Variants in IFT25 observed in about 807,000 individuals in gnomAD.
IFT25 encodes intraflagellar transport 25.
At chr1:53,936,138 A>AT in the IFT25 span, among the ~76,000 whole-genome samples, 2 of 152,092 alleles carry the variant, frequency 1.3e-5, no homozygotes, top group Admixed American at 6.5e-5. Flanking sequence ...AATACAAAAA[A>AT]TTAGCTAGGC....
the IFT25 span, chr1:53,923,950 A>C: frequency 6.3e-7 from 1 of 1,584,748 alleles, no homozygotes; most frequent in Non-Finnish European, 8.7e-7. Context: ...TACCAAATCT[A>C]AAACATAAAT....
the IFT25 span, among the ~76,000 whole-genome samples, chr1:53,927,518 T>C: frequency 6.6e-6 from 1 of 152,292 alleles, no homozygotes; most frequent in East Asian, 1.9e-4. Context: ...CATTCTATAT[T>C]TGCAGTTGTC....
the IFT25 span, among the ~76,000 whole-genome samples, chr1:53,926,022 AAC>A: frequency 6.6e-6 from 1 of 151,048 alleles, no homozygotes; most frequent in African/African-American, 2.4e-5. Flanking sequence ...GAATCACTTG[AAC>A]CTGGGAAGCG....
the IFT25 span, among the ~76,000 whole-genome samples, chr1:53,939,427 T>G: frequency 6.6e-6 from 1 of 150,914 alleles, no homozygotes; most frequent in Admixed American, 6.6e-5. Flanking sequence ...CCCATTCCCA[T>G]TAACTGCTTT....
At chr1:53,927,310 C>A in the IFT25 span, among the ~76,000 whole-genome samples, 1 of 152,174 alleles carries the variant, frequency 6.6e-6, no homozygotes, top group African/African-American at 2.4e-5. Context: ...GGTCTTTTTT[C>A]TAGGGCCATT....
chr1:53,943,886 T>G, the IFT25 span, among the ~76,000 whole-genome samples: 1 of 152,170 alleles, frequency 6.6e-6, no homozygotes, highest in Non-Finnish European at 1.5e-5. Context: ...CCACCTAAAG[T>G]GCTGGGATTA....
chr1:53,930,003 A>G, the IFT25 span: 3 of 929,166 alleles, frequency 3.2e-6, no homozygotes, highest in East Asian at 1.1e-4. Flanking sequence ...GGAGCACCAA[A>G]AAAAAAAAAA....
the IFT25 span, chr1:53,940,088 A>G: frequency 6.5e-7 from 1 of 1,539,192 alleles, no homozygotes; most frequent in East Asian, 2.3e-5. Flanking sequence ...CTCATCTTAA[A>G]GTGTTTAACC....
At chr1:53,939,949 T>A in the IFT25 span, 3 of 1,211,558 alleles carry the variant, frequency 2.5e-6, no homozygotes, top group Non-Finnish European at 3.7e-6. Flanking sequence ...ATTCACCGAT[T>A]TAAGACTGTA....
At chr1:53,918,217 TAAAC>T in the IFT25 span, among the ~76,000 whole-genome samples, 56 of 152,308 alleles carry the variant, frequency 3.7e-4, no homozygotes, top group Admixed American at 2.6e-3. Flanking sequence ...AATAAAAACT[TAAAC>T]AAATTGATAC....
chr1:53,920,640 C>T, the IFT25 span, among the ~76,000 whole-genome samples: 1 of 152,162 alleles, frequency 6.6e-6, no homozygotes, highest in South Asian at 2.1e-4. Flanking sequence ...GCTTCTAGAT[C>T]TTTTCATGGA....
the IFT25 span, among the ~76,000 whole-genome samples, chr1:53,938,437 CAA>C: frequency 2.0e-5 from 3 of 152,098 alleles, no homozygotes; most frequent in Non-Finnish European, 4.4e-5. Context: ...TGGAGCCCAG[CAA>C]AGAGATAAAC....
the IFT25 span, chr1:53,928,239 C>T: frequency 1.5e-6 from 1 of 668,302 alleles, no homozygotes. Context: ...CTGGGTCTTT[C>T]TAGACCCTAA....
chr1:53,920,716 CA>C, the IFT25 span, among the ~76,000 whole-genome samples: 2 of 151,290 alleles, frequency 1.3e-5, no homozygotes, highest in African/African-American at 4.9e-5. Flanking sequence ...CCTGCAAACC[CA>C]ATGCTTCGGG....
chr1:53,918,251 A>G, the IFT25 span, among the ~76,000 whole-genome samples: 1 of 152,268 alleles, frequency 6.6e-6, no homozygotes, highest in Non-Finnish European at 1.5e-5. Flanking sequence ...AAAGTATATC[A>G]GTGACAACTT....
chr1:53,928,542 T>A, the IFT25 span: 4 of 770,052 alleles, frequency 5.2e-6, no homozygotes, highest in Non-Finnish European at 8.8e-6. Context: ...ACAGTGGAAC[T>A]ACACAGAGCA....
chr1:53,939,147 T>G, the IFT25 span, among the ~76,000 whole-genome samples: 5 of 150,128 alleles, frequency 3.3e-5, no homozygotes, highest in East Asian at 9.8e-4. Context: ...ATCCCAGCAC[T>G]TTGGAAGGCT....
chr1:53,937,265 C>T, the IFT25 span, among the ~76,000 whole-genome samples: 2 of 151,980 alleles, frequency 1.3e-5, no homozygotes, highest in Non-Finnish European at 2.9e-5. Flanking sequence ...TATAGGTGCA[C>T]GCCACCACAA....
the IFT25 span, among the ~76,000 whole-genome samples, chr1:53,937,465 T>G: frequency 6.6e-6 from 1 of 152,186 alleles, no homozygotes; most frequent in South Asian, 2.1e-4. Flanking sequence ...TTATATTTTC[T>G]GGAACTGCAT....
Sources: allele counts gnomAD v4.1 joint callset (sites outside exome capture counted in the v4.1 genomes callset), GRCh38; gene constraint gnomAD v4.1.1; transcripts MANE v1.5; gene names NCBI Gene and HGNC (gene_info 2026-07-23, HGNC 2026-07-21).